CAMKK1: variants seen among roughly 807,000 people sequenced by gnomAD.
CAMKK1 encodes calcium/calmodulin-dependent protein kinase kinase 1.
CAMKK1 carries 20 observed loss-of-function variants against 63.5 expected under a neutral mutation model. That is an observed-to-expected ratio of 0.32 (90% CI 0.22 to 0.46). The LOEUF (loss-of-function observed/expected upper bound fraction) is 0.46, where lower values mean the gene tolerates loss of function less well. Among genes scored for constraint, CAMKK1 ranks in the 20% least tolerant of loss-of-function variants. CAMKK1 has a pLI of 1.00. For missense variants in CAMKK1, 588 were observed against 658.1 expected, an observed-to-expected ratio of 0.89 and a Z score of 1.17; for synonymous variants, 253 against 269.0, an observed-to-expected ratio of 0.94 and a Z score of 0.58.
chr17:3,882,634 G>T lies in CAMKK1; in HGVS notation c.649-70C>A. 7.0e-7 allele frequency: 1 copy of T among 1,419,832 alleles called. No individual in the cohort carries two copies. The highest frequency in any genetic ancestry group is 9.7e-7 in the Non-Finnish European group (1 of 1,027,486). The allele number at this position is 1,419,832 out of a possible 1,614,324, so 88.0% of individuals were successfully genotyped here. On this transcript the variant is annotated intron_variant, in intron 6 of 15. Transcript: ENST00000348335. This position sits in a 1 kb window ranked among gnomAD's most constrained non-coding sequence, Gnocchi z 4.3. ...GGGGTTGGAGGTCCCAGGCCTCCTG[G>T]TCCTTGCCAGCCCCAGAACCCTTAG...
chr17:3,862,668 C>A lies in CAMKK1; in HGVS notation c.1446-385G>T, dbSNP rs1012351954. On this transcript the variant is annotated intron_variant, in intron 15 of 15. Coordinates refer to ENST00000348335, the MANE Select transcript of CAMKK1 (RefSeq NM_032294.3). The surrounding 1 kb of genome is among the most constrained non-coding windows in gnomAD (Gnocchi z 4.1). ...GTTTTGAGACAGCGTCTCGCTCTGT[C>A]GTGCAGGCTGCAGTGCAGTGGTGCA... 6.6e-6 allele frequency among the ~76,000 whole-genome samples: 1 copy of A among 152,236 alleles called. No homozygotes were observed. The highest frequency in any genetic ancestry group is 6.5e-5 in the Admixed American group (1 of 15,280).
rs118009275 is a variant in CAMKK1 at position 3,860,753 on chromosome 17, T to C, written c.*1458A>G. 15 of 152,360 alleles carry C rather than the reference T, an allele frequency of 9.8e-5. No individual in the cohort carries two copies. The East Asian group carries it at 2.9e-3, about 29-fold the overall frequency. 9.4% of individuals were successfully genotyped at this position (152,360 alleles called of 1,614,324 possible). On this transcript the variant is annotated 3_prime_UTR_variant, in exon 16 of 16. Coordinates refer to ENST00000348335, the MANE Select transcript of CAMKK1 (RefSeq NM_032294.3). ...ACGTAGAAACTGTATTACAGATGCA[T>C]GTACCAGTGCAGGACATACGAGTGA...
At position 3,892,497 on chromosome 17, in the gene CAMKK1, C is replaced by T. The variant is rs2055939035; in HGVS notation, c.-44+442G>A. Among the ~76,000 whole-genome samples, 1 of 152,186 alleles carries T rather than the reference C, an allele frequency of 6.6e-6. No homozygotes were observed. Among genetic ancestry groups the T allele is most frequent in the African/African-American group, 2.4e-5 (1 of 41,448 alleles). On this transcript the variant is annotated intron_variant, in intron 1 of 15. Transcript: ENST00000348335. This position sits in a 1 kb window ranked among gnomAD's most constrained non-coding sequence, Gnocchi z 7.5. ...AGCCGCGCGCCGCCGCCGCCCCATT[C>T]ATCTCCCACCCCGCCCCCGGCTCCT...
intron 12 of CAMKK1, among the ~76,000 whole-genome samples, chr17:3,870,576 A>G (rs958639172): frequency 4.6e-5 from 7 of 152,194 alleles, no homozygotes; most frequent in African/African-American, 1.7e-4. Context: ...CGTGTTAGCC[A>G]GGATGATCTC....
chr17:3,862,243 G>A lies in CAMKK1; in HGVS notation c.1486C>T (p.Pro496Ser), dbSNP rs1244763534. 4 of 1,591,300 alleles carry A rather than the reference G, an allele frequency of 2.5e-6. No homozygotes were observed. Among genetic ancestry groups the A allele is most frequent in the Non-Finnish European group, 3.4e-6 (4 of 1,168,220 alleles). ...FGEGGKSPELPGVQEDEAAS is the reference protein window; with the variant it reads ...FGEGGKSPELSGVQEDEAAS ...GCAGCCTCGTCTTCCTGGACGCCGG[G>A]GAGCTCTGGGCTCTTGCCCCCTTCA... The change falls in exon 16 of 16, where the codon CCC (proline) becomes TCC (serine). Residue 496 changes from proline to serine, a missense_variant. By Grantham distance (74) the Pro-to-Ser change is moderately conservative. Transcript: ENST00000348335. The surrounding 1 kb of genome is among the most constrained non-coding windows in gnomAD (Gnocchi z 4.1).
rs774920660 is a variant in CAMKK1 at position 3,882,021 on chromosome 17, C to A, written c.686-373G>T. On this transcript the variant is annotated intron_variant, in intron 7 of 15. Coordinates refer to ENST00000348335, the MANE Select transcript of CAMKK1 (RefSeq NM_032294.3). This position sits in a 1 kb window ranked among gnomAD's most constrained non-coding sequence, Gnocchi z 4.3. ...AATTCCTAAGCCAGTTCTTCTTCTG[C>A]CCCATTTTCTGAGGCCTCCTCTAAG... 1.9e-6 allele frequency: 1 copy of A among 527,222 alleles called. No individual in the cohort carries two copies. The highest frequency in any genetic ancestry group is 3.3e-6 in the Non-Finnish European group (1 of 299,400). The allele number at this position is 527,222 out of a possible 1,614,324, so 32.7% of individuals were successfully genotyped here.
intron 9 of CAMKK1, among the ~76,000 whole-genome samples, chr17:3,877,142 A>G (rs1287910639): frequency 2.0e-5 from 3 of 152,094 alleles, no homozygotes; most frequent in Non-Finnish European, 4.4e-5. Flanking sequence ...ACCTTTCTCC[A>G]GTTCCATCCC....
In CAMKK1 at chr17:3,884,514, G is replaced by T; in HGVS notation, c.361-87C>A. The T allele has an allele frequency of 7.8e-7, 1 of 1,284,856 alleles. No homozygotes were observed. The highest frequency in any genetic ancestry group is 1.1e-6 in the Non-Finnish European group (1 of 915,208). 79.6% of individuals were successfully genotyped at this position (1,284,856 alleles called of 1,614,324 possible). On this transcript the variant is annotated intron_variant, in intron 2 of 15. Transcript: ENST00000348335. The surrounding 1 kb of genome is among the most constrained non-coding windows in gnomAD (Gnocchi z 4.5). ...AGAGCCCGTTCAGGGTCCAATTCTG[G>T]CCATAAGCTCCTCATTCCCGGACCC...
rs2055722161 is a variant in CAMKK1, at chr17:3,887,827, C to T, written c.-43-2097G>A. Reference sequence around the variant, plus strand: ...GGAAGCCAAAGCTGGGAACACCCTCCAGGACCCGCCAGGCTCCTCCCAGCA... The same window carrying T: ...GGAAGCCAAAGCTGGGAACACCCTCTAGGACCCGCCAGGCTCCTCCCAGCA... On this transcript the variant is annotated intron_variant, in intron 1 of 15. Coordinates refer to ENST00000348335, the MANE Select transcript of CAMKK1 (RefSeq NM_032294.3). This position sits in a 1 kb window ranked among gnomAD's most constrained non-coding sequence, Gnocchi z 6.1. 6.6e-6 allele frequency among the ~76,000 whole-genome samples: 1 copy of T among 152,152 alleles called. No individual in the cohort carries two copies. The highest frequency in any genetic ancestry group is 6.5e-5 in the Admixed American group (1 of 15,282).
chr17:3,885,495 G>A lies in CAMKK1; in HGVS notation c.193C>T (p.Arg65Trp), dbSNP rs773894430. 1.6e-5 allele frequency: 26 copies of A among 1,613,602 alleles called. No individual in the cohort carries two copies. Among genetic ancestry groups the A allele is most frequent in the South Asian group, 9.9e-5 (9 of 91,088 alleles). ...PGSTSRLLPA[R>W]PSLSARKLSL... ...AGCTTCCTGGCTGAGAGGCTAGGCC[G>A]GGCTGGGAGCAGTCTTGAAGTACTG... The change falls in exon 2 of 16, where the codon CGG becomes TGG. Residue 65 changes from arginine (R) to tryptophan (W), a missense_variant. By Grantham distance (101) the Arg-to-Trp change is moderately radical. This residue lies in a region of CAMKK1 where 357 missense variants were observed against 407.4 expected (regional missense o/e 0.88). Transcript: ENST00000348335.
intron 10 of CAMKK1, among the ~76,000 whole-genome samples, chr17:3,874,324 G>A (rs953614312): frequency 1.3e-5 from 2 of 152,158 alleles, no homozygotes; most frequent in Admixed American, 1.3e-4. Context: ...AAGTTATGAA[G>A]TACAGTATCA....
Position 3,882,251 on chromosome 17 carries a change from A to T in CAMKK1, c.685+277T>A. The T allele has an allele frequency of 6.2e-7, 1 of 1,605,488 alleles. No individual in the cohort carries two copies. The highest frequency in any genetic ancestry group is 8.5e-7 in the Non-Finnish European group (1 of 1,173,944). Reference sequence around the variant, plus strand: ...GGAACCCATGCAGCCTGCTTCCTGCATCTACCTGAGCGCGCAGCCCACGTG... The same window carrying T: ...GGAACCCATGCAGCCTGCTTCCTGCTTCTACCTGAGCGCGCAGCCCACGTG... On this transcript the variant is annotated intron_variant, in intron 7 of 15. Transcript: ENST00000348335. The surrounding 1 kb of genome is among the most constrained non-coding windows in gnomAD (Gnocchi z 4.3).
In CAMKK1 at chr17:3,862,082, G is replaced by T; in HGVS notation, c.*129C>A. On this transcript the variant is annotated 3_prime_UTR_variant, in exon 16 of 16. Transcript: ENST00000348335. This position sits in a 1 kb window ranked among gnomAD's most constrained non-coding sequence, Gnocchi z 4.1. ...GTGCGTGGAGGTCATGCAGCACGATGGGGGAGGGGCGGGAGTGGGGCTGCA... is the reference window on the plus strand; with the variant it reads ...GTGCGTGGAGGTCATGCAGCACGATTGGGGAGGGGCGGGAGTGGGGCTGCA... The T allele has an allele frequency of 1.4e-6, 1 of 690,744 alleles. No homozygotes were observed. The highest frequency in any genetic ancestry group is 2.5e-6 in the Non-Finnish European group (1 of 399,644). The allele number at this position is 690,744 out of a possible 1,614,324, so 42.8% of individuals were successfully genotyped here. A position where few individuals can be genotyped will look rare whatever the true frequency, so the allele number is the denominator to read the frequency against.
intron 9 of CAMKK1, among the ~76,000 whole-genome samples, chr17:3,877,086 T>C (rs1318767378): frequency 6.6e-6 from 1 of 152,118 alleles, no homozygotes; most frequent in East Asian, 1.9e-4. Context: ...AGGCTAGCTC[T>C]GCCCCTTCCC....
chr17:3,883,398 G>A lies in CAMKK1; in HGVS notation c.514+31C>T. The A allele has an allele frequency of 6.2e-7, 1 of 1,605,726 alleles. No individual in the cohort carries two copies. Among genetic ancestry groups the A allele is most frequent in the South Asian group, 1.1e-5 (1 of 90,908 alleles). On this transcript the variant is annotated intron_variant, in intron 5 of 15. Coordinates refer to ENST00000348335, the MANE Select transcript of CAMKK1 (RefSeq NM_032294.3). The surrounding 1 kb of genome is among the most constrained non-coding windows in gnomAD (Gnocchi z 4.7). Reference sequence around the variant, plus strand: ...CTCCTCCTCTGCCTCCAGGCTAGGAGCTCCCAGGGACAGGATCAGAAGATA... The same window carrying A: ...CTCCTCCTCTGCCTCCAGGCTAGGAACTCCCAGGGACAGGATCAGAAGATA...
At position 3,883,256 on chromosome 17, in the gene CAMKK1, G is replaced by A. The variant is rs762445307; in HGVS notation, c.515-81C>T. 3.4e-5 allele frequency: 53 copies of A among 1,568,560 alleles called. No homozygotes were observed. The highest frequency in any genetic ancestry group is 4.6e-5 in the Non-Finnish European group (53 of 1,147,260). ...GCCCCCAAACCAGTCTCAAGCAAGA[G>A]TCTTGCATGCCCGTGGTCTTGTCCC... On this transcript the variant is annotated intron_variant, in intron 5 of 15. Transcript: ENST00000348335. The surrounding 1 kb of genome is among the most constrained non-coding windows in gnomAD (Gnocchi z 4.7).
At chr17:3,865,632 C>G (rs1039916777) in intron 15 of CAMKK1, 1 of 1,307,548 alleles carries the variant, frequency 7.6e-7, no homozygotes, top group Non-Finnish European at 9.8e-7. Flanking sequence ...AAGGGTCTTC[C>G]TGTCCCATGG....
At position 3,885,430 on chromosome 17, in the gene CAMKK1, C is replaced by T. The variant is rs753158414; in HGVS notation, c.258G>A (p.Ala86=). ...QERPAGSYLE[A]QAGPYATGPA... ...GCCCCGTGGCATAAGGCCCAGCCTG[C>T]GCCTCCAGATAGCTTCCTGCTGGCC... The change falls in exon 2 of 16, where the codon GCG becomes GCA. Residue 86 remains alanine (A), a synonymous_variant. Transcript: ENST00000348335. The T allele has an allele frequency of 4.3e-5, 70 of 1,612,508 alleles. No homozygotes were observed. The highest frequency in any genetic ancestry group is 5.2e-5 in the Non-Finnish European group (61 of 1,179,822).
chr17:3,869,511 C>G lies in CAMKK1; in HGVS notation c.1317G>C (p.Arg439Ser). 6 of 1,614,224 alleles carry G rather than the reference C, an allele frequency of 3.7e-6. No homozygotes were observed. Among genetic ancestry groups the G allele is most frequent in the Non-Finnish European group, 5.1e-6 (6 of 1,180,040 alleles). ...VTEEEVKNSV[R>S]LIPSWTTVIL... ...CCACCGTGGTCCAGCTGGGGATGAG[C>G]CTGACTGAGTTCTTAACCTCCTCCT... Residue 439 changes from arginine (R) to serine (S), a missense_variant, in exon 14 of 16, where the codon AGG becomes AGC. By Grantham distance (110) the Arg-to-Ser change is moderately radical (BLOSUM62 -1). Coordinates refer to ENST00000348335, the MANE Select transcript of CAMKK1 (RefSeq NM_032294.3).
Sources: gnomAD v4.1 joint callset for allele counts (sites outside exome capture counted in the v4.1 genomes callset) on GRCh38, gnomAD v4.1.1 for gene constraint, gnomAD v4.1.1 regional missense constraint, Gnocchi (gnomAD v3.1) non-coding constraint, MANE v1.5 for transcripts, NCBI Gene and HGNC (gene_info 2026-07-23, HGNC 2026-07-21) for gene names.